The following PLEKHA5 variants were observed in gnomAD, a reference collection of about 807,000 sequenced individuals.
The protein encoded by PLEKHA5 is pleckstrin homology domain containing A5.
PLEKHA5 carries 55 observed loss-of-function variants against 181.9 expected under a neutral mutation model. The observed-to-expected ratio is 0.30, with a 90% CI of 0.24 to 0.38. The LOEUF is 0.38. PLEKHA5 is among the 10% of genes least tolerant of loss of function. The pLI, the probability that PLEKHA5 is intolerant of heterozygous loss-of-function variation, is 1.00. For synonymous variants in PLEKHA5, 535 were observed against 529.4 expected (o/e 1.01, Z -0.15); for missense variants, 1,432 against 1,549.5 (o/e 0.92, Z 1.27).
intron 15 of PLEKHA5, among the ~76,000 whole-genome samples, chr12:19,302,906 ATTTTTTTTTTTTTTTTT>A (rs34702332): frequency 3.7e-5 from 2 of 53,968 alleles, no homozygotes; most frequent in South Asian, 1.3e-3. Context: ...TCTGTATGAA[ATTTTTTTTTTTTTTTTT>A]TTTTTTTTTT....
chr12:19,270,877 C>T (rs559543024), intron 10 of PLEKHA5, among the ~76,000 whole-genome samples: 10 of 151,072 alleles, frequency 6.6e-5, no homozygotes, highest in African/African-American at 2.2e-4. Flanking sequence ...TTTTCTTATT[C>T]TAGTGTGCAT....
At chr12:19,150,909 G>A (rs1203069685) in intron 3 of PLEKHA5, 1 of 152,246 alleles carries the variant, frequency 6.6e-6, no homozygotes, top group Non-Finnish European at 1.5e-5. Flanking sequence ...GGGAAGGAGG[G>A]AAGTAGAGCA....
intron 1 of PLEKHA5, 32 bp downstream of exon 1, chr12:19,129,920 G>T: frequency 6.4e-7 from 1 of 1,565,310 alleles, no homozygotes; most frequent in Non-Finnish European, 8.7e-7. Flanking sequence ...GGGGGCCCGC[G>T]GGGGCGGGAG....
chr12:19,368,856 G>A (rs895881856), intron 30 of PLEKHA5, among the ~76,000 whole-genome samples: 1 of 151,950 alleles, frequency 6.6e-6, no homozygotes, highest in Non-Finnish European at 1.5e-5. Flanking sequence ...ATTGTCACTG[G>A]CCAGTTTTGG....
chr12:19,172,468 A>G (rs574679039), intron 3 of PLEKHA5, among the ~76,000 whole-genome samples: 1 of 152,358 alleles, frequency 6.6e-6, no homozygotes, highest in Admixed American at 6.5e-5. Context: ...CGGGGGGGCA[A>G]AAGATTTGAG....
At chr12:19,355,376 G>T in intron 26 of PLEKHA5, among the ~76,000 whole-genome samples, 1 of 131,550 alleles carries the variant, frequency 7.6e-6, no homozygotes, top group Non-Finnish European at 1.6e-5. Context: ...TCAATGGATA[G>T]GGTTTCACTC....
At position 19,369,705 on chromosome 12, in the gene PLEKHA5, C is replaced by T. The variant is rs759375512; in HGVS notation, c.3767C>T (p.Ser1256Phe). ...GNQTMAVKSL[S>F]PSPESSASPV... ...TTGTGTGTTTTAGTGAAAAGTCTGT[C>T]CCCATCTCCTGAGTCCTCGGCATCG... Residue 1256 changes from serine (S) to phenylalanine (F), a missense_variant, in exon 31 of 32, where the codon TCC (serine) becomes TTC (phenylalanine). By Grantham distance (155) the Ser-to-Phe change is radical. Coordinates refer to ENST00000429027, the MANE Select transcript of PLEKHA5 (RefSeq NM_001256470.2). 3 of 1,608,436 alleles carry T rather than the reference C, an allele frequency of 1.9e-6. No homozygotes were observed. The highest frequency in any genetic ancestry group is 2.7e-5 in the African/African-American group (2 of 74,762).
Position 19,254,626 on chromosome 12 carries a change from G to A in PLEKHA5, c.312-419G>A, listed in dbSNP as rs572401319. On this transcript the variant is annotated intron_variant, in intron 4 of 31. Coordinates refer to ENST00000429027, the MANE Select transcript of PLEKHA5 (RefSeq NM_001256470.2). Reference sequence around the variant, plus strand: ...ACTTGAGGTCAGGCATTCAAGACCAGCCTGGCCAACATGGTGAAACCCTGA... The same window carrying A: ...ACTTGAGGTCAGGCATTCAAGACCAACCTGGCCAACATGGTGAAACCCTGA... Among the ~76,000 whole-genome samples, 182 of 151,268 alleles carry A rather than the reference G, an allele frequency of 1.2e-3. 2 individuals carry two copies. The highest frequency in any genetic ancestry group is 4.3e-3 in the African/African-American group (177 of 41,288).
At chr12:19,335,459 A>T (rs1309168738) in intron 20 of PLEKHA5, among the ~76,000 whole-genome samples, 1 of 150,122 alleles carries the variant, frequency 6.7e-6, no homozygotes, top group Non-Finnish European at 1.5e-5. Flanking sequence ...ACTGTCACCC[A>T]GGGTGGAGTG....
chr12:19,283,892 T>G (rs1259891967), intron 12 of PLEKHA5, 147 bp downstream of exon 12: 11 of 601,146 alleles, frequency 1.8e-5, no homozygotes, highest in South Asian at 2.2e-5. Context: ...TAAATAAAAA[T>G]ATTTTACAAC....
At chr12:19,246,873 C>G (rs2063891481) in intron 3 of PLEKHA5, among the ~76,000 whole-genome samples, 1 of 152,080 alleles carries the variant, frequency 6.6e-6, no homozygotes, top group African/African-American at 2.4e-5. Flanking sequence ...TTTGAAGTAA[C>G]TCTCCATTAA....
chr12:19,255,000 G>A lies in PLEKHA5; in HGVS notation c.312-45G>A, dbSNP rs532167198. ...TGTAGAGAAGTGTAATTATAAAGCG[G>A]GTTACATACACAGCAAGTTCTAGCA... is the stretch of plus-strand genomic sequence containing the variant. On this transcript the variant is annotated intron_variant, in intron 4 of 31. Coordinates refer to ENST00000429027, the MANE Select transcript of PLEKHA5 (RefSeq NM_001256470.2). 96 of 1,548,552 alleles carry A rather than the reference G, an allele frequency of 6.2e-5. No individual in the cohort carries two copies. The Admixed American group carries it at 1.4e-3, about 22-fold the overall frequency.
intron 15 of PLEKHA5, among the ~76,000 whole-genome samples, chr12:19,311,262 CAAAAAAA>C (rs112913366): frequency 0.091 from 9,036 of 98,972 alleles, 471 homozygotes; most frequent in East Asian, 0.25. Context: ...CCTGTCTCTG[CAAAAAAA>C]AAAAAAAAAA....
chr12:19,158,270 G>A (rs1402133315), intron 3 of PLEKHA5, among the ~76,000 whole-genome samples: 2 of 151,876 alleles, frequency 1.3e-5, no homozygotes, highest in Admixed American at 6.6e-5. Context: ...GGAGAATGAC[G>A]TGAACCCAGG....
chr12:19,375,045 C>T (rs1282611850), intron 31 of PLEKHA5, among the ~76,000 whole-genome samples: 11 of 151,726 alleles, frequency 7.2e-5, no homozygotes, highest in Non-Finnish European at 1.5e-4. Flanking sequence ...CTTGTGGGGC[C>T]GGGTATAGTG....
intron 3 of PLEKHA5, among the ~76,000 whole-genome samples, chr12:19,185,562 C>T (rs2049642856): frequency 6.6e-6 from 1 of 152,134 alleles, no homozygotes; most frequent in South Asian, 2.1e-4. Context: ...CACACTTTAT[C>T]ATATTAGTTG....
chr12:19,322,448 G>A (rs2091107438), intron 19 of PLEKHA5, 58 bp downstream of exon 19: 1 of 1,526,968 alleles, frequency 6.5e-7, no homozygotes, highest in East Asian at 2.2e-5. Flanking sequence ...TTATTATCAG[G>A]ACACTGATAA....
At chr12:19,185,300 A>G (rs962364289) in intron 3 of PLEKHA5, among the ~76,000 whole-genome samples, 28 of 152,124 alleles carry the variant, frequency 1.8e-4, no homozygotes, top group African/African-American at 6.3e-4. Flanking sequence ...TATTTGTTCC[A>G]TACCTCCTGA....
At chr12:19,138,883 C>G (rs780071969) in intron 3 of PLEKHA5, among the ~76,000 whole-genome samples, 1 of 152,086 alleles carries the variant, frequency 6.6e-6, no homozygotes, top group African/African-American at 2.4e-5. Context: ...ATACTGTGTC[C>G]GGTCTTTGAA....
Sources: allele counts gnomAD v4.1 joint callset (sites outside exome capture counted in the v4.1 genomes callset), GRCh38; gene constraint gnomAD v4.1.1; transcripts MANE v1.5; gene names NCBI Gene and HGNC (gene_info 2026-07-23, HGNC 2026-07-21).